Variants in GRIN2A observed in about 807,000 individuals in gnomAD.
GRIN2A encodes glutamate receptor ionotropic, NMDA 2A.
A neutral mutation model predicts 113.4 loss-of-function variants in GRIN2A; 22 were observed. The ratio of observed to expected loss-of-function variants is 0.19; its 90% CI spans 0.14 to 0.28. The LOEUF is 0.28. Ranked by LOEUF, GRIN2A falls within the 10% of genes least tolerant of loss-of-function variation. The pLI, the probability that GRIN2A is intolerant of heterozygous loss-of-function variation, is 1.00. For synonymous variants in GRIN2A, 827 were observed against 738.4 expected (o/e 1.12, Z -1.94); for missense variants, 1,502 against 1,887.0 (o/e 0.80, Z 3.78).
intron 2 of GRIN2A, among the ~76,000 whole-genome samples, chr16:10,134,297 T>TTGAG (rs917764641): frequency 1.3e-5 from 2 of 152,072 alleles, no homozygotes; most frequent in Non-Finnish European, 2.9e-5. Flanking sequence ...TCCTTTGAGC[T>TTGAG]TGAGGCTCTA....
At chr16:9,830,066 G>C (rs1377244785) in intron 8 of GRIN2A, among the ~76,000 whole-genome samples, 1 of 152,194 alleles carries the variant, frequency 6.6e-6, no homozygotes, top group Admixed American at 6.5e-5. Flanking sequence ...TATCGTATAA[G>C]AACCATGCAA....
intron 2 of GRIN2A, among the ~76,000 whole-genome samples, chr16:9,956,525 T>C (rs1458657836): frequency 1.3e-5 from 2 of 152,204 alleles, no homozygotes; most frequent in African/African-American, 2.4e-5. Flanking sequence ...CTTTAATTAA[T>C]TCATTCATTT....
In GRIN2A at chr16:9,914,846, T is replaced by G. The variant is rs118148030; in HGVS notation, c.1007+23113A>C. 9.4e-3 allele frequency among the ~76,000 whole-genome samples: 1,282 copies of G among 135,812 alleles called. 12 individuals are homozygous for G. The highest frequency in any genetic ancestry group is 0.028 in the Middle Eastern group (7 of 246). The allele number at this position is 135,812 out of a possible 152,430, so 89.1% of individuals were successfully genotyped here. ...GGGGCAGAAGAGCCAACAGCAACAT[T>G]CCCCACATGTGGGAAGGGGCATATG... On this transcript the variant is annotated intron_variant, in intron 3 of 12. Transcript: ENST00000330684.
intron 2 of GRIN2A, among the ~76,000 whole-genome samples, chr16:10,124,455 C>G (rs543881544): frequency 6.6e-6 from 1 of 150,490 alleles, no homozygotes; most frequent in East Asian, 1.9e-4. Flanking sequence ...GCCAACATAA[C>G]TGGCAACTTA....
intron 2 of GRIN2A, among the ~76,000 whole-genome samples, chr16:9,964,766 C>G (rs1467311840): frequency 6.6e-6 from 1 of 152,142 alleles, no homozygotes; most frequent in African/African-American, 2.4e-5. Flanking sequence ...TTAAGTTGGT[C>G]CCACCTTGCT....
chr16:10,014,761 A>C (rs2046570720), intron 2 of GRIN2A, among the ~76,000 whole-genome samples: 1 of 152,200 alleles, frequency 6.6e-6, no homozygotes, highest in African/African-American at 2.4e-5. Flanking sequence ...CATAGGTCAG[A>C]GTGGAGAGAG....
At chr16:9,804,009 G>A (rs540181394) in intron 10 of GRIN2A, among the ~76,000 whole-genome samples, 148 of 152,266 alleles carry the variant, frequency 9.7e-4, no homozygotes, top group African/African-American at 3.2e-3. Flanking sequence ...CATCTGTCTC[G>A]TTCCCAACAG....
intron 2 of GRIN2A, among the ~76,000 whole-genome samples, chr16:10,173,191 C>A (rs1344932810): frequency 2.0e-5 from 3 of 152,204 alleles, no homozygotes; most frequent in Non-Finnish European, 2.9e-5. Flanking sequence ...TAGGTCTCCC[C>A]ACTCTCCCAG....
intron 2 of GRIN2A, among the ~76,000 whole-genome samples, chr16:10,012,765 GA>G (rs1482975436): frequency 2.0e-5 from 3 of 152,188 alleles, no homozygotes; most frequent in African/African-American, 7.2e-5. Context: ...ATCAGGCAAG[GA>G]AAAAGCAGCT....
chr16:9,909,899 C>T (rs1161902325), intron 3 of GRIN2A, among the ~76,000 whole-genome samples: 29 of 152,126 alleles, frequency 1.9e-4, no homozygotes. Flanking sequence ...GTTAACAATA[C>T]CACAGAGGGC....
At chr16:9,894,058 G>A (rs947295188) in intron 3 of GRIN2A, among the ~76,000 whole-genome samples, 1 of 152,162 alleles carries the variant, frequency 6.6e-6, no homozygotes, top group Non-Finnish European at 1.5e-5. Flanking sequence ...TCAACCTGGG[G>A]AATCTGGGGA....
chr16:9,805,815 C>T (rs1269662506), intron 10 of GRIN2A, among the ~76,000 whole-genome samples: 1 of 151,980 alleles, frequency 6.6e-6, no homozygotes. Flanking sequence ...CACCGGGTAC[C>T]CATCGGGGAA....
chr16:9,977,102 A>G (rs2141759461), intron 2 of GRIN2A, among the ~76,000 whole-genome samples: 1 of 152,330 alleles, frequency 6.6e-6, no homozygotes, highest in South Asian at 2.1e-4. Context: ...GTCCTGCTCA[A>G]TCTAAAGCTG....
chr16:10,014,870 T>C (rs932387249), intron 2 of GRIN2A, among the ~76,000 whole-genome samples: 2 of 152,132 alleles, frequency 1.3e-5, no homozygotes, highest in East Asian at 3.8e-4. Context: ...ACATGACATT[T>C]ATATTTCAGA....
chr16:10,179,752 C>A, intron 2 of GRIN2A: 1 of 556,864 alleles, frequency 1.8e-6, no homozygotes, highest in Non-Finnish European at 3.3e-6. Flanking sequence ...TGAGCGCTTC[C>A]TGGCACACAC....
intron 2 of GRIN2A, among the ~76,000 whole-genome samples, chr16:9,952,502 G>T (rs2141676746): frequency 6.6e-6 from 1 of 152,292 alleles, no homozygotes; most frequent in Non-Finnish European, 1.5e-5. Context: ...GTGGCTAGGG[G>T]AAGAGGCAGG....
At chr16:9,797,379 C>T (rs1374827770) in intron 11 of GRIN2A, among the ~76,000 whole-genome samples, 1 of 152,220 alleles carries the variant, frequency 6.6e-6, no homozygotes, top group Non-Finnish European at 1.5e-5. Flanking sequence ...CAAGCCACGG[C>T]CAGCCTCTAG....
intron 2 of GRIN2A, among the ~76,000 whole-genome samples, chr16:10,102,003 T>C (rs1331117129): frequency 3.3e-5 from 5 of 152,226 alleles, no homozygotes; most frequent in African/African-American, 7.2e-5. Flanking sequence ...GCAGTATTTA[T>C]GGAGCAATGA....
rs540965392 is a variant in GRIN2A at position 10,015,539 on chromosome 16, G to A, written c.415-76988C>T. Among the ~76,000 whole-genome samples the A allele has an allele frequency of 3.7e-3, 562 of 152,144 alleles. 5 individuals carry two copies. The highest frequency in any genetic ancestry group is 0.013 in the African/African-American group (538 of 41,494). ...TTTCAAAAAAAGACTCCCTGATTCCGAATGCGCTTTAAATTTCTGAACATA... is the reference window on the plus strand; with the variant it reads ...TTTCAAAAAAAGACTCCCTGATTCCAAATGCGCTTTAAATTTCTGAACATA... On this transcript the variant is annotated intron_variant, in intron 2 of 12. Transcript: ENST00000330684.
Sources: gnomAD v4.1 joint callset for allele counts (sites outside exome capture counted in the v4.1 genomes callset) on GRCh38, gnomAD v4.1.1 for gene constraint, MANE v1.5 for transcripts, NCBI Gene and HGNC (gene_info 2026-07-23, HGNC 2026-07-21) for gene names.